Variants in SYN2 observed in about 807,000 individuals in gnomAD.
The protein encoded by SYN2 is synapsin-2.
Under a neutral mutation model 50.9 loss-of-function variants are expected in SYN2, and 19 were observed. That is an observed-to-expected ratio of 0.37 (90% confidence interval 0.26 to 0.55). The LOEUF (loss-of-function observed/expected upper bound fraction) is 0.55, where lower values mean the gene tolerates loss of function less well. Among genes scored for constraint, SYN2 ranks in the 20% least tolerant of loss-of-function variants. The pLI is 0.81. For missense variants in SYN2, 587 were observed against 576.4 expected (o/e 1.02, Z -0.19); for synonymous variants, 255 against 224.9 (o/e 1.13, Z -1.20).
At chr3:12,154,717 TTTAAAG>T (rs1369897443) in intron 5 of SYN2, among the ~76,000 whole-genome samples, 1 of 152,248 alleles carries the variant, frequency 6.6e-6, no homozygotes, top group African/African-American at 2.4e-5. Context: ...GAATGTGGTC[TTTAAAG>T]TCAAAGTCTG....
chr3:12,079,719 G>T (rs1294930487), intron 1 of SYN2, among the ~76,000 whole-genome samples: 2 of 152,140 alleles, frequency 1.3e-5, no homozygotes, highest in African/African-American at 4.8e-5. Context: ...ATTTTATTGA[G>T]AATTTTTGCA....
intron 5 of SYN2, chr3:12,156,989 A>G: frequency 1.6e-6 from 2 of 1,284,768 alleles, no homozygotes; most frequent in Non-Finnish European, 1.1e-6. Context: ...TACTGTATAT[A>G]TTAACAGACA....
At chr3:12,039,447 G>A (rs1694564423) in intron 1 of SYN2, among the ~76,000 whole-genome samples, 1 of 149,902 alleles carries the variant, frequency 6.7e-6, no homozygotes, top group African/African-American at 2.5e-5. Context: ...ACATTATCTT[G>A]TTTAAACTCT....
intron 1 of SYN2, among the ~76,000 whole-genome samples, chr3:12,077,388 A>G (rs561032516): frequency 2.0e-5 from 3 of 152,158 alleles, no homozygotes; most frequent in East Asian, 3.9e-4. Flanking sequence ...AACATGTGCC[A>G]TGGTAGTTTG....
At chr3:12,092,886 A>G (rs1013481896) in intron 1 of SYN2, among the ~76,000 whole-genome samples, 1 of 152,224 alleles carries the variant, frequency 6.6e-6, no homozygotes, top group Non-Finnish European at 1.5e-5. Context: ...TTAAAGACCC[A>G]TTGGATCTCT....
chr3:12,057,375 AG>A (rs1262602839), intron 1 of SYN2, among the ~76,000 whole-genome samples: 1 of 151,204 alleles, frequency 6.6e-6, no homozygotes, highest in African/African-American at 2.4e-5. Flanking sequence ...TTGTTTTTCT[AG>A]TGAAACATGA....
At chr3:12,141,726 GA>G (rs1697024024) in intron 2 of SYN2, among the ~76,000 whole-genome samples, 178 bp from the exon 3 acceptor site, 1 of 152,298 alleles carries the variant, frequency 6.6e-6, no homozygotes, top group South Asian at 2.1e-4. Flanking sequence ...GGTAAATGGG[GA>G]TAATTATCTC....
intron 11 of SYN2, 40 bp from the exon 12 acceptor site, chr3:12,187,329 A>G (rs1207963837): frequency 1.3e-6 from 2 of 1,484,946 alleles, no homozygotes; most frequent in South Asian, 2.6e-5. Flanking sequence ...AAACATTTTT[A>G]TATGGTTAAA....
At chr3:12,057,872 T>A (rs550639270) in intron 1 of SYN2, among the ~76,000 whole-genome samples, 1 of 152,198 alleles carries the variant, frequency 6.6e-6, no homozygotes, top group Non-Finnish European at 1.5e-5. Context: ...CTGAAACATA[T>A]AAACATACTC....
At chr3:12,133,877 A>C (rs1696839246) in intron 1 of SYN2, among the ~76,000 whole-genome samples, 1 of 152,224 alleles carries the variant, frequency 6.6e-6, no homozygotes, top group African/African-American at 2.4e-5. Context: ...TTATATTTTA[A>C]AAGTCATTAT....
rs542033113 is a variant in SYN2, at chr3:12,089,070, G to A, written c.378-51581G>A. On this transcript the variant is annotated intron_variant, in intron 1 of 12. Transcript: ENST00000621198. ...AATAGGTAAAATGGTGAATAAATTAGCTTGATTTAATCTTTCTGCAACATA... is the reference window on the plus strand; with the variant it reads ...AATAGGTAAAATGGTGAATAAATTAACTTGATTTAATCTTTCTGCAACATA... 1.1e-4 allele frequency among the ~76,000 whole-genome samples: 17 copies of A among 152,314 alleles called. No individual in the cohort carries two copies. In the South Asian group the frequency reaches 3.3e-3, roughly 30 times the overall value.
At chr3:12,169,930 G>A (rs1245078829) in intron 10 of SYN2, 24 bp downstream of exon 10, 1 of 1,585,914 alleles carries the variant, frequency 6.3e-7, no homozygotes, top group African/African-American at 1.3e-5. Context: ...AAGAGACATA[G>A]CAGAGCCAAG....
At chr3:12,122,809 A>T (rs1304503460) in intron 1 of SYN2, among the ~76,000 whole-genome samples, 1 of 152,198 alleles carries the variant, frequency 6.6e-6, no homozygotes, top group Non-Finnish European at 1.5e-5. Context: ...AAAAATCTAA[A>T]GTTATAAAAT....
rs143563220 is a variant in SYN2 at position 12,190,226 on chromosome 3, C to T, written c.1614-264C>T. On this transcript the variant is annotated intron_variant, in intron 12 of 12. Transcript: ENST00000621198. ...AGCGGCCTTTGAGTCGCCTCTTCCT[C>T]CTCTTTCCCTTCTTTATTTTTTTCC... 4.3e-3 allele frequency among the ~76,000 whole-genome samples: 659 copies of T among 152,216 alleles called. 5 individuals are homozygous for T. The highest frequency in any genetic ancestry group is 0.015 in the African/African-American group (605 of 41,530).
intron 1 of SYN2, among the ~76,000 whole-genome samples, chr3:12,139,261 C>G (rs1417295216): frequency 6.6e-6 from 1 of 152,174 alleles, no homozygotes; most frequent in African/African-American, 2.4e-5. Context: ...GGGTAGTTGA[C>G]AGGAACCAGG....
intron 1 of SYN2, among the ~76,000 whole-genome samples, chr3:12,103,870 A>G (rs1435080084): frequency 1.3e-5 from 2 of 152,254 alleles, no homozygotes; most frequent in African/African-American, 4.8e-5. Flanking sequence ...GTTCAGGCAT[A>G]ACAAAATTCC....
intron 1 of SYN2, among the ~76,000 whole-genome samples, chr3:12,082,054 G>A (rs1226884184): frequency 6.6e-6 from 1 of 152,158 alleles, no homozygotes; most frequent in Non-Finnish European, 1.5e-5. Flanking sequence ...AACACCCAGG[G>A]CTCAGCATAT....
At chr3:12,185,310 C>G in intron 11 of SYN2, 1 of 985,662 alleles carries the variant, frequency 1.0e-6, no homozygotes, top group Non-Finnish European at 1.2e-6. Context: ...GGTATTGCTT[C>G]TCTGCATGTT....
At position 12,143,095 on chromosome 3, in the gene SYN2, G is replaced by A. The variant is rs199571396; in HGVS notation, c.527+1099G>A. Among the ~76,000 whole-genome samples the A allele has an allele frequency of 1.6e-4, 25 of 152,286 alleles. No homozygotes were observed. In the East Asian group the frequency reaches 4.6e-3, roughly 28 times the overall value. On this transcript the variant is annotated intron_variant, in intron 3 of 12. Coordinates refer to ENST00000621198, the MANE Select transcript of SYN2 (RefSeq NM_133625.6). ...CAGGTGGTGACAGAGAGGCCCAAAA[G>A]CAGGGCAAGAATAAAGGCAGGCCCT...
Sources: gnomAD v4.1 joint callset for allele counts (sites outside exome capture counted in the v4.1 genomes callset) on GRCh38, gnomAD v4.1.1 for gene constraint, MANE v1.5 for transcripts, NCBI Gene and HGNC (gene_info 2026-07-23, HGNC 2026-07-21) for gene names.